SYT2: variants seen among roughly 807,000 people sequenced by gnomAD.
The protein encoded by SYT2 is synaptotagmin-2.
Under a neutral mutation model 39.9 loss-of-function variants are expected in SYT2, and 15 were observed. The ratio of observed to expected loss-of-function variants is 0.38; its 90% CI spans 0.25 to 0.58. SYT2 has a LOEUF of 0.58. SYT2 is among the 20% of genes least tolerant of loss of function. SYT2 has a pLI of 0.70. For missense variants in SYT2, 389 were observed against 530.3 expected (o/e 0.73, Z 2.62); for synonymous variants, 181 against 204.5 (o/e 0.89, Z 0.98).
At chr1:202,616,114 T>A (rs1049096190) in intron 1 of SYT2, among the ~76,000 whole-genome samples, 2 of 152,136 alleles carry the variant, frequency 1.3e-5, no homozygotes, top group Non-Finnish European at 2.9e-5. Context: ...CCCACCAGCT[T>A]CGCCTCCTCC....
chr1:202,616,299 C>A (rs759546862), intron 1 of SYT2, among the ~76,000 whole-genome samples: 1 of 152,294 alleles, frequency 6.6e-6, no homozygotes, highest in Admixed American at 6.5e-5. Context: ...AGCCAGTTCC[C>A]GTTCCTGCGC....
intron 1 of SYT2, among the ~76,000 whole-genome samples, chr1:202,663,882 G>A (rs1163555957): frequency 1.3e-5 from 2 of 152,100 alleles, no homozygotes; most frequent in Non-Finnish European, 2.9e-5. Context: ...CCTTTCTCTG[G>A]GTTTGTACTA....
chr1:202,640,671 T>C (rs1691879953), intron 1 of SYT2, among the ~76,000 whole-genome samples: 1 of 151,448 alleles, frequency 6.6e-6, no homozygotes, highest in Non-Finnish European at 1.5e-5. Context: ...TGTGAGATTA[T>C]TGGAAAGTCA....
rs1446599676 is a variant in SYT2, at chr1:202,599,400, C to T, written c.920-49G>A. 3 of 1,550,190 alleles carry T rather than the reference C, an allele frequency of 1.9e-6. No homozygotes were observed. In the African/African-American group the frequency reaches 4.2e-5, roughly 22 times the overall value. On this transcript the variant is annotated intron_variant, in intron 7 of 8. Coordinates refer to ENST00000367268, the MANE Select transcript of SYT2 (RefSeq NM_177402.5). This position sits in a 1 kb window ranked among gnomAD's most constrained non-coding sequence, Gnocchi z 4.4. ...CAGAGAGGTTCCCCTTAGCCCCCAG[C>T]CTTCCTGCCGAATGTACCAAGGCCT...
In SYT2 at chr1:202,613,067, C is replaced by CTTTTTTTTTTTTTTTTT. The variant is rs1690930669; in HGVS notation, c.-17-7279_-17-7278insAAAAAAAAAAAAAAAAA. ...CACATTGCCGAACTCATTGGTTCTT[C>CTTTTTTTTTTTTTTTTT]CTTTTTTTTTTTTTTTTTTTTTTTT... On this transcript the variant is annotated intron_variant, in intron 1 of 8. Coordinates refer to ENST00000367268, the MANE Select transcript of SYT2 (RefSeq NM_177402.5). 1.1e-4 allele frequency among the ~76,000 whole-genome samples: 13 copies of CTTTTTTTTTTTTTTTTT among 121,604 alleles called. 4 individuals are homozygous for CTTTTTTTTTTTTTTTTT. Among genetic ancestry groups the CTTTTTTTTTTTTTTTTT allele is most frequent in the Non-Finnish European group, 1.2e-4 (7 of 59,938 alleles). The allele number at this position is 121,604 out of a possible 152,430, so 79.8% of individuals were successfully genotyped here.
intron 1 of SYT2, among the ~76,000 whole-genome samples, chr1:202,678,507 G>A (rs532861749): frequency 1.3e-5 from 2 of 151,908 alleles, no homozygotes; most frequent in Non-Finnish European, 2.9e-5. Flanking sequence ...GGCTCACCCA[G>A]TGCCCCTCCC....
chr1:202,681,139 C>A (rs1349595878), intron 1 of SYT2, among the ~76,000 whole-genome samples: 1 of 151,996 alleles, frequency 6.6e-6, no homozygotes, highest in Non-Finnish European at 1.5e-5. Context: ...TCAAGCCACA[C>A]CCCTCCTCCT....
rs185357377 is a variant in SYT2 at position 202,631,352 on chromosome 1, C to T, written c.-17-25563G>A. ...CTCCCTGGAGCTGGCAACAGAGAAC[C>T]GGCATGTAATGGTCCCCGTAAACAC... On this transcript the variant is annotated intron_variant, in intron 1 of 8. Transcript: ENST00000367268. Among the ~76,000 whole-genome samples the T allele has an allele frequency of 3.0e-3, 455 of 152,284 alleles. 4 individuals carry two copies. The highest frequency in any genetic ancestry group is 6.8e-3 in the Middle Eastern group (2 of 294).
chr1:202,660,087 T>C (rs986808737), intron 1 of SYT2, among the ~76,000 whole-genome samples: 8 of 152,126 alleles, frequency 5.3e-5, no homozygotes, highest in Non-Finnish European at 1.0e-4. Context: ...CCATTGCCAG[T>C]TGAGGTGACA....
At chr1:202,671,026 C>A (rs1692578382) in intron 1 of SYT2, among the ~76,000 whole-genome samples, 2 of 152,214 alleles carry the variant, frequency 1.3e-5, no homozygotes, top group South Asian at 4.1e-4. Flanking sequence ...GCCAAAGAAC[C>A]AATCCTTTGT....
intron 1 of SYT2, among the ~76,000 whole-genome samples, chr1:202,655,167 G>C (rs1024948473): frequency 6.6e-6 from 1 of 152,126 alleles, no homozygotes; most frequent in East Asian, 1.9e-4. Context: ...GAGCAAGTGG[G>C]CTTAGAGGAG....
chr1:202,662,321 C>A (rs369652498), intron 1 of SYT2, among the ~76,000 whole-genome samples: 1 of 152,234 alleles, frequency 6.6e-6, no homozygotes, highest in Non-Finnish European at 1.5e-5. Flanking sequence ...TTCCTAAAGA[C>A]GCAGAGATTA....
At chr1:202,606,968 T>C (rs756117002) in intron 1 of SYT2, among the ~76,000 whole-genome samples, 11 of 152,302 alleles carry the variant, frequency 7.2e-5, no homozygotes, top group Middle Eastern at 3.4e-3. Context: ...AATAGCTACA[T>C]AATATCCTAC....
chr1:202,639,852 T>C, intron 1 of SYT2: 2 of 984,516 alleles, frequency 2.0e-6, no homozygotes, highest in Non-Finnish European at 2.4e-6. Flanking sequence ...ATCGTGTGCA[T>C]GGTGACAACT....
chr1:202,609,320 A>G (rs1264381536), intron 1 of SYT2, among the ~76,000 whole-genome samples: 1 of 152,024 alleles, frequency 6.6e-6, no homozygotes, highest in African/African-American at 2.4e-5. Flanking sequence ...GCTATTGTGA[A>G]TAGTGCCGCA....
At chr1:202,616,747 C>G (rs1364365999) in intron 1 of SYT2, among the ~76,000 whole-genome samples, 1 of 152,238 alleles carries the variant, frequency 6.6e-6, no homozygotes, top group Non-Finnish European at 1.5e-5. Context: ...GACTACTCCT[C>G]CTTCGGTTGC....
chr1:202,700,728 T>C (rs1201643357), intron 1 of SYT2, among the ~76,000 whole-genome samples: 2 of 152,266 alleles, frequency 1.3e-5, no homozygotes, highest in Non-Finnish European at 2.9e-5. Context: ...TAGAGTTTTA[T>C]ATCAACTTCG....
Position 202,630,311 on chromosome 1 carries a change from G to T in SYT2, c.-17-24522C>A, listed in dbSNP as rs144781731. 7.0e-4 allele frequency: 653 copies of T among 934,366 alleles called. 6 individuals are homozygous for T. The African/African-American group carries it at 0.011, about 16-fold the overall frequency. The allele number at this position is 934,366 out of a possible 1,614,324, so 57.9% of individuals were successfully genotyped here. A position where few individuals can be genotyped will look rare whatever the true frequency, so the allele number is the denominator to read the frequency against. ...CTCCCACACACTCTGGCTTGACCAG[G>T]TGCTGGAGGACACATGGGGAGAGGG... On this transcript the variant is annotated intron_variant, in intron 1 of 8. Transcript: ENST00000367268.
At chr1:202,626,022 C>T (rs879904035) in intron 1 of SYT2, among the ~76,000 whole-genome samples, 2 of 152,214 alleles carry the variant, frequency 1.3e-5, no homozygotes, top group Non-Finnish European at 2.9e-5. Context: ...GCACTGTGAA[C>T]ACATATGCAA....
Sources: gnomAD v4.1 joint callset for allele counts (sites outside exome capture counted in the v4.1 genomes callset) on GRCh38, gnomAD v4.1.1 for gene constraint, Gnocchi (gnomAD v3.1) non-coding constraint, MANE v1.5 for transcripts, NCBI Gene and HGNC (gene_info 2026-07-23, HGNC 2026-07-21) for gene names.